HECW1: variants seen among roughly 807,000 people sequenced by gnomAD.
HECW1 encodes E3 ubiquitin-protein ligase HECW1.
Under a neutral mutation model 182.3 loss-of-function variants are expected in HECW1, and 61 were observed. The ratio of observed to expected loss-of-function variants is 0.33; its 90% confidence interval spans 0.27 to 0.41. The LOEUF (loss-of-function observed/expected upper bound fraction) is 0.41, where lower values mean the gene tolerates loss of function less well. HECW1 is among the 10% of genes least tolerant of loss of function. The pLI, the probability that HECW1 is intolerant of heterozygous loss-of-function variation, is 1.00. For missense variants in HECW1, 1,739 were observed against 2,108.9 expected (o/e 0.82, Z 3.44); for synonymous variants, 859 against 832.6 (o/e 1.03, Z -0.55).
chr7:43,298,638 A>G (rs1806336286), intron 3 of HECW1, among the ~76,000 whole-genome samples: 7 of 152,234 alleles, frequency 4.6e-5, no homozygotes, highest in Non-Finnish European at 7.3e-5. Flanking sequence ...CTGTGGCTCT[A>G]GCTTCCTCAG....
intron 2 of HECW1, among the ~76,000 whole-genome samples, chr7:43,189,914 G>A (rs6958590): frequency 0.23 from 34,808 of 152,028 alleles, 4,233 homozygotes; most frequent in Middle Eastern, 0.26. Flanking sequence ...TTTGAATCTC[G>A]GGGCTTTTTG....
At chr7:43,417,943 A>G (rs2076066696) in intron 8 of HECW1, among the ~76,000 whole-genome samples, 1 of 152,142 alleles carries the variant, frequency 6.6e-6, no homozygotes, top group East Asian at 1.9e-4. Flanking sequence ...TAAAACTACA[A>G]AAATATATTG....
At chr7:43,147,217 G>A (rs576056556) in intron 2 of HECW1, among the ~76,000 whole-genome samples, 1 of 150,950 alleles carries the variant, frequency 6.6e-6, no homozygotes, top group East Asian at 2.0e-4. Context: ...ATGGTAATAT[G>A]CATTTAATCT....
intron 3 of HECW1, among the ~76,000 whole-genome samples, chr7:43,297,324 A>G (rs965343016): frequency 1.2e-4 from 19 of 152,218 alleles, no homozygotes; most frequent in Admixed American, 1.1e-3. Flanking sequence ...TTGTTTGTTT[A>G]TTTATTTCTA....
At chr7:43,532,162 C>T (rs1434806284) in intron 24 of HECW1, among the ~76,000 whole-genome samples, 1 of 152,208 alleles carries the variant, frequency 6.6e-6, no homozygotes, top group Non-Finnish European at 1.5e-5. Flanking sequence ...GGCCCAAGGC[C>T]GTGGACTGTT....
intron 24 of HECW1, among the ~76,000 whole-genome samples, chr7:43,540,136 T>C (rs1209705380): frequency 6.6e-6 from 1 of 152,238 alleles, no homozygotes; most frequent in African/African-American, 2.4e-5. Flanking sequence ...TGGAATCAGA[T>C]AATCTATTCA....
chr7:43,128,052 G>T (rs1241204171), intron 2 of HECW1, among the ~76,000 whole-genome samples: 6 of 152,108 alleles, frequency 3.9e-5, no homozygotes, highest in East Asian at 1.9e-4. Context: ...CTAATTTTTT[G>T]ATTTTTATGT....
intron 8 of HECW1, among the ~76,000 whole-genome samples, chr7:43,431,549 C>G (rs1292390989): frequency 1.3e-5 from 2 of 152,224 alleles, no homozygotes; most frequent in African/African-American, 4.8e-5. Flanking sequence ...TCCTCCAGGC[C>G]TGACCCATCT....
intron 24 of HECW1, among the ~76,000 whole-genome samples, chr7:43,526,002 A>G (rs181266705): frequency 1.1e-3 from 169 of 152,378 alleles, no homozygotes; most frequent in Non-Finnish European, 2.0e-3. Flanking sequence ...AAATATCATC[A>G]GTAGGTAAAT....
chr7:43,476,001 G>T (rs1251153163), intron 16 of HECW1, among the ~76,000 whole-genome samples: 1 of 152,092 alleles, frequency 6.6e-6, no homozygotes, highest in Non-Finnish European at 1.5e-5. Context: ...AATAAGAAAA[G>T]ATTTCAACCA....
intron 2 of HECW1, among the ~76,000 whole-genome samples, chr7:43,117,132 G>A (rs891949217): frequency 2.0e-5 from 3 of 152,150 alleles, no homozygotes; most frequent in Admixed American, 6.5e-5. Flanking sequence ...CTTGTTCCCA[G>A]TGAGGAATGC....
intron 8 of HECW1, among the ~76,000 whole-genome samples, chr7:43,418,907 C>T (rs6949148): frequency 0.65 from 98,368 of 151,994 alleles, 32,168 homozygotes; most frequent in East Asian, 0.92. Flanking sequence ...GGATTTTGCT[C>T]CAGGGGGTAT....
chr7:43,233,500 TG>T (rs1430017617), intron 2 of HECW1, among the ~76,000 whole-genome samples: 1 of 152,220 alleles, frequency 6.6e-6, no homozygotes, highest in African/African-American at 2.4e-5. Context: ...AAGGTGGTGG[TG>T]CAGTCCATTT....
chr7:43,343,668 G>A (rs1813309096), intron 5 of HECW1, among the ~76,000 whole-genome samples: 1 of 151,752 alleles, frequency 6.6e-6, no homozygotes, highest in Non-Finnish European at 1.5e-5. Flanking sequence ...CTCTATCATT[G>A]ATGGACATTT....
intron 13 of HECW1, among the ~76,000 whole-genome samples, chr7:43,459,280 T>C (rs531163821): frequency 2.6e-4 from 40 of 152,360 alleles, no homozygotes; most frequent in African/African-American, 9.4e-4. Flanking sequence ...TCCCAGCACC[T>C]AGTGTGGTAC....
chr7:43,412,232 C>T (rs968196112), intron 8 of HECW1, among the ~76,000 whole-genome samples: 4 of 152,124 alleles, frequency 2.6e-5, no homozygotes, highest in African/African-American at 7.2e-5. Flanking sequence ...ACAATATTAC[C>T]TGCATTTATC....
intron 2 of HECW1, among the ~76,000 whole-genome samples, chr7:43,167,026 G>C (rs951799654): frequency 6.6e-6 from 1 of 152,206 alleles, no homozygotes; most frequent in Non-Finnish European, 1.5e-5. Context: ...GTTTCCAAAA[G>C]ACCCCTTTCT....
intron 16 of HECW1, among the ~76,000 whole-genome samples, chr7:43,476,868 G>A (rs1426321276): frequency 6.6e-6 from 1 of 152,132 alleles, no homozygotes; most frequent in Admixed American, 6.5e-5. Context: ...GACCCCTGGA[G>A]AGGAATGATT....
chr7:43,540,068 A>G (rs978722161), intron 24 of HECW1, among the ~76,000 whole-genome samples: 1 of 152,232 alleles, frequency 6.6e-6, no homozygotes, highest in Non-Finnish European at 1.5e-5. Flanking sequence ...TCATGGAAAA[A>G]GAATCAACTA....
Sources: allele counts gnomAD v4.1 joint callset (sites outside exome capture counted in the v4.1 genomes callset), GRCh38; gene constraint gnomAD v4.1.1; transcripts MANE v1.5; gene names NCBI Gene and HGNC (gene_info 2026-07-23, HGNC 2026-07-21).